The following CDKAL1 variants were observed in gnomAD, a reference collection of about 807,000 sequenced individuals.
CDKAL1 encodes threonylcarbamoyladenosine tRNA methylthiotransferase.
A neutral mutation model predicts 68.2 loss-of-function variants in CDKAL1; 32 were observed. That is an observed-to-expected ratio of 0.47 (90% CI 0.35 to 0.63). CDKAL1 has a LOEUF of 0.63. Ranked by LOEUF, CDKAL1 falls within the 30% of genes least tolerant of loss-of-function variation. The pLI is 0.00. For synonymous variants in CDKAL1, 234 were observed against 244.3 expected (o/e 0.96, Z 0.39); for missense variants, 606 against 696.7 (o/e 0.87, Z 1.47).
intron 6 of CDKAL1, among the ~76,000 whole-genome samples, chr6:20,753,957 ATGTGTGTGTG>A (rs112105313): frequency 9.5e-5 from 14 of 147,804 alleles, no homozygotes; most frequent in East Asian, 2.0e-4. Flanking sequence ...TATTATCTGT[ATGTGTGTGTG>A]TGTGTGTGTG....
intron 10 of CDKAL1, among the ~76,000 whole-genome samples, chr6:20,984,813 G>GA (rs35957348): frequency 1.6e-5 from 2 of 121,252 alleles, no homozygotes; most frequent in Admixed American, 1.6e-4. Context: ...CACAGTAACG[G>GA]GGGGGGGTGG....
At chr6:20,644,934 A>T (rs780451100) in intron 4 of CDKAL1, among the ~76,000 whole-genome samples, 1 of 152,180 alleles carries the variant, frequency 6.6e-6, no homozygotes, top group African/African-American at 2.4e-5. Context: ...ACAAACCTAG[A>T]TTGTACAGCC....
intron 11 of CDKAL1, among the ~76,000 whole-genome samples, chr6:21,009,492 C>T (rs1767901637): frequency 6.6e-6 from 1 of 152,134 alleles, no homozygotes; most frequent in South Asian, 2.1e-4. Context: ...CTACAGCAGT[C>T]CCACTACTAG....
chr6:21,224,103 A>G (rs1385340860), intron 15 of CDKAL1, among the ~76,000 whole-genome samples: 1 of 152,186 alleles, frequency 6.6e-6, no homozygotes, highest in Non-Finnish European at 1.5e-5. Context: ...CACATATGTC[A>G]GGAGTGGCAG....
At position 20,714,378 on chromosome 6, in the gene CDKAL1, CTTTTTTTTTTTT is replaced by C. The variant is rs545162371; in HGVS notation, c.372-25124_372-25113del. On this transcript the variant is annotated intron_variant, in intron 5 of 15. Transcript: ENST00000274695. ...AATATTAATGATACTATTGTCTGTT[CTTTTTTTTTTTT>C]TTTTTTTTTTTTTTTTGAGACAGAA... is the stretch of plus-strand genomic sequence containing the variant. 9.6e-5 allele frequency among the ~76,000 whole-genome samples: 7 copies of C among 72,740 alleles called. 1 individual carries two copies. The highest frequency in any genetic ancestry group is 4.8e-4 in the Admixed American group (3 of 6,300). The allele number at this position is 72,740 out of a possible 152,430, so 47.7% of individuals were successfully genotyped here.
At chr6:20,745,277 A>G (rs1773617483) in intron 6 of CDKAL1, among the ~76,000 whole-genome samples, 1 of 152,196 alleles carries the variant, frequency 6.6e-6, no homozygotes, top group African/African-American at 2.4e-5. Context: ...CTGCATTTGA[A>G]CGGCTAAATT....
At chr6:20,731,396 A>G (rs558754683) in intron 5 of CDKAL1, among the ~76,000 whole-genome samples, 4 of 152,270 alleles carry the variant, frequency 2.6e-5, no homozygotes, top group Admixed American at 6.5e-5. Context: ...ACCTGGACAT[A>G]TTTCTGAGGT....
intron 12 of CDKAL1, among the ~76,000 whole-genome samples, chr6:21,068,937 G>T (rs758741436): frequency 1.1e-4 from 17 of 151,958 alleles, no homozygotes; most frequent in Admixed American, 3.3e-4. Context: ...TATTAAATAT[G>T]TTCCTACATG....
chr6:21,191,992 C>CTT lies in CDKAL1; in HGVS notation c.1300-5990_1300-5989dup, dbSNP rs145894251. On this transcript the variant is annotated intron_variant, in intron 13 of 15. Transcript: ENST00000274695. Reference sequence around the variant, plus strand: ...AGGAATATTTTTATAATTCATTTTTCTTTTTTTTTTTTTTTTTTTTTTTTT... The same window carrying CTT: ...AGGAATATTTTTATAATTCATTTTTCTTTTTTTTTTTTTTTTTTTTTTTTTTT... Among the ~76,000 whole-genome samples, 75 of 34,526 alleles carry CTT rather than the reference C, an allele frequency of 2.2e-3. 28 individuals are homozygous for CTT. The highest frequency in any genetic ancestry group is 2.4e-3 in the Non-Finnish European group (43 of 18,286). 22.7% of individuals were successfully genotyped at this position (34,526 alleles called of 152,430 possible). A position where few individuals can be genotyped will look rare whatever the true frequency, so the allele number is the denominator to read the frequency against.
chr6:20,640,556 G>A (rs1319986532), intron 4 of CDKAL1, among the ~76,000 whole-genome samples: 3 of 152,160 alleles, frequency 2.0e-5, no homozygotes, highest in South Asian at 4.1e-4. Context: ...GCCAAGACAT[G>A]ACATGTTCAA....
At chr6:20,884,724 T>A (rs1174031058) in intron 9 of CDKAL1, among the ~76,000 whole-genome samples, 5 of 152,184 alleles carry the variant, frequency 3.3e-5, no homozygotes, top group Admixed American at 3.3e-4. Flanking sequence ...ACAATCATAA[T>A]CAATCTGAAA....
intron 8 of CDKAL1, among the ~76,000 whole-genome samples, chr6:20,786,404 A>G (rs1775673510): frequency 6.6e-6 from 1 of 152,068 alleles, no homozygotes; most frequent in South Asian, 2.1e-4. Context: ...ATAGGGAGTC[A>G]ACATGTGCAT....
rs73389920 is a variant in CDKAL1, at chr6:21,231,094, C to T, written c.*55C>T. The T allele has an allele frequency of 1.4e-4, 195 of 1,381,966 alleles. 2 individuals carry two copies. In the African/African-American group the frequency reaches 2.2e-3, roughly 15 times the overall value. The allele number at this position is 1,381,966 out of a possible 1,614,324, so 85.6% of individuals were successfully genotyped here. On this transcript the variant is annotated 3_prime_UTR_variant, in exon 16 of 16. Coordinates refer to ENST00000274695, the MANE Select transcript of CDKAL1 (RefSeq NM_017774.3). ...AGAATACATTTCTAATTAAAATCTT[C>T]AATGAACAGGAAAGCGACATCTCCA...
chr6:20,831,069 A>G (rs1777698429), intron 8 of CDKAL1, among the ~76,000 whole-genome samples: 1 of 152,128 alleles, frequency 6.6e-6, no homozygotes, highest in African/African-American at 2.4e-5. Context: ...AGGTTGGTGT[A>G]CAAGTAATTG....
chr6:20,999,854 C>T (rs1282814274), intron 10 of CDKAL1, among the ~76,000 whole-genome samples: 1 of 152,064 alleles, frequency 6.6e-6, no homozygotes, highest in African/African-American at 2.4e-5. Flanking sequence ...GCCTTAAATA[C>T]TGATGTTTTT....
intron 4 of CDKAL1, among the ~76,000 whole-genome samples, chr6:20,624,307 C>T (rs949325400): frequency 6.6e-6 from 1 of 151,904 alleles, no homozygotes; most frequent in Non-Finnish European, 1.5e-5. Flanking sequence ...ACAGCCACCA[C>T]CATACTGTTC....
chr6:21,225,421 C>T (rs1325666327), intron 15 of CDKAL1, among the ~76,000 whole-genome samples: 1 of 152,114 alleles, frequency 6.6e-6, no homozygotes, highest in East Asian at 1.9e-4. Flanking sequence ...CAAGGCAGGA[C>T]GCTGTCATCT....
chr6:20,592,898 A>G (rs1765654148), intron 4 of CDKAL1, among the ~76,000 whole-genome samples: 1 of 152,140 alleles, frequency 6.6e-6, no homozygotes, highest in Non-Finnish European at 1.5e-5. Context: ...AATTTTATCG[A>G]AGGCCTTTTC....
chr6:20,798,869 AAC>A (rs1352052432), intron 8 of CDKAL1, among the ~76,000 whole-genome samples: 1 of 150,678 alleles, frequency 6.6e-6, no homozygotes, highest in Non-Finnish European at 1.5e-5. Flanking sequence ...ATATGTAACA[AAC>A]CTACACGTTG....
Sources: allele counts gnomAD v4.1 joint callset (sites outside exome capture counted in the v4.1 genomes callset), GRCh38; gene constraint gnomAD v4.1.1; transcripts MANE v1.5; gene names NCBI Gene and HGNC (gene_info 2026-07-23, HGNC 2026-07-21).